ACAT1: variants seen among roughly 807,000 people sequenced by gnomAD.
ACAT1 encodes acetyl-CoA acetyltransferase 1.
Under a neutral mutation model 47.3 loss-of-function variants are expected in ACAT1, and 28 were observed. That is an observed-to-expected ratio of 0.59 (90% confidence interval 0.44 to 0.81). ACAT1 has a LOEUF of 0.81. Ranked by LOEUF, ACAT1 falls within the 30% of genes least tolerant of loss-of-function variation. ACAT1 has a pLI of 0.00. For synonymous variants in ACAT1, 181 were observed against 173.6 expected (o/e 1.04, Z -0.34); for missense variants, 469 against 524.3 (o/e 0.89, Z 1.03).
chr11:108,135,354 G>T (rs1276128102), intron 5 of ACAT1, 112 bp downstream of exon 5: 3 of 823,330 alleles, frequency 3.6e-6, no homozygotes, highest in Admixed American at 2.1e-5. Flanking sequence ...TCATAAGTTA[G>T]TATGTTTTCT....
At chr11:108,136,251 C>A in intron 5 of ACAT1, 1 of 426,384 alleles carries the variant, frequency 2.3e-6, no homozygotes, top group South Asian at 7.1e-5. Flanking sequence ...ATGTGACAGT[C>A]ATTGGAAATA....
upstream of ACAT1, among the ~76,000 whole-genome samples, chr11:108,120,554 T>A (rs2077130034): frequency 6.7e-6 from 1 of 149,338 alleles, no homozygotes; most frequent in Non-Finnish European, 1.5e-5. Context: ...AAAAAAAAAA[T>A]ACTCCAAAAC....
chr11:108,135,111 G>T, intron 4 of ACAT1, 31 bp from the exon 5 acceptor site: 1 of 1,527,934 alleles, frequency 6.5e-7, no homozygotes, highest in Non-Finnish European at 9.1e-7. Context: ...TTGAGTATCG[G>T]TTTTTCAAAA....
intron 1 of ACAT1, among the ~76,000 whole-genome samples, chr11:108,122,601 T>G (rs2077172390): frequency 6.6e-6 from 1 of 152,238 alleles, no homozygotes; most frequent in South Asian, 2.1e-4. Flanking sequence ...ACAAGGGTGC[T>G]GGCGGTAGGA....
At chr11:108,145,651 A>G (rs565094254) in intron 10 of ACAT1, among the ~76,000 whole-genome samples, 4 of 152,268 alleles carry the variant, frequency 2.6e-5, no homozygotes, top group African/African-American at 9.6e-5. Context: ...ACCTTTTCAA[A>G]TATCTGTGGA....
intron 10 of ACAT1, 171 bp downstream of exon 10, chr11:108,144,218 C>CAA (rs113949535): frequency 2.3e-4 from 111 of 489,178 alleles, no homozygotes; most frequent in African/African-American, 1.1e-3. Context: ...GGATAACAAA[C>CAA]AAAAAAAAAA....
upstream of ACAT1, among the ~76,000 whole-genome samples, chr11:108,118,795 A>C (rs2077106100): frequency 6.6e-6 from 1 of 152,198 alleles, no homozygotes; most frequent in Admixed American, 6.5e-5. Flanking sequence ...TAGCTCCAGA[A>C]ATAAATGTAC....
chr11:108,136,840 A>G (rs1399176078), intron 5 of ACAT1: 2 of 152,228 alleles, frequency 1.3e-5, no homozygotes, highest in Non-Finnish European at 2.9e-5. Context: ...TTTCTTTGGT[A>G]TAGAGCTTGC....
At chr11:108,129,428 G>A (rs1197954713) in intron 1 of ACAT1, among the ~76,000 whole-genome samples, 1 of 152,100 alleles carries the variant, frequency 6.6e-6, no homozygotes, top group Non-Finnish European at 1.5e-5. Flanking sequence ...GAATGCAGTG[G>A]CGTGATCTCG....
upstream of ACAT1, among the ~76,000 whole-genome samples, chr11:108,117,357 G>C (rs1052226956): frequency 3.3e-5 from 5 of 151,108 alleles, no homozygotes; most frequent in East Asian, 8.1e-4. Context: ...GCCCAGGCTG[G>C]AGTACAGTGG....
chr11:108,135,617 G>C (rs964152612), intron 5 of ACAT1, among the ~76,000 whole-genome samples: 1 of 151,900 alleles, frequency 6.6e-6, no homozygotes. Context: ...CCAGCACTTT[G>C]GGAGGCTGAG....
chr11:108,128,316 T>C (rs1268133052), intron 1 of ACAT1, among the ~76,000 whole-genome samples: 17 of 151,674 alleles, frequency 1.1e-4, no homozygotes, highest in Admixed American at 1.1e-3. Flanking sequence ...TGAGGCCATG[T>C]GCAGTGGCTC....
intron 1 of ACAT1, among the ~76,000 whole-genome samples, chr11:108,122,882 A>G (rs1415564950): frequency 6.6e-6 from 1 of 151,422 alleles, no homozygotes. Flanking sequence ...TACTCTAGAG[A>G]TGTAAAAAAA....
chr11:108,138,838 G>GT (rs1173065422), intron 5 of ACAT1, 60 bp from the exon 6 acceptor site: 132 of 1,587,976 alleles, frequency 8.3e-5, no homozygotes, highest in Middle Eastern at 6.7e-4. Flanking sequence ...TGTATAAAGG[G>GT]TGTCATGGGT....
chr11:108,127,266 CTT>C (rs566446640), intron 1 of ACAT1, among the ~76,000 whole-genome samples: 26 of 131,542 alleles, frequency 2.0e-4, no homozygotes, highest in Admixed American at 1.5e-4. Context: ...ACATAGAAGC[CTT>C]TTTTTTTTTT....
upstream of ACAT1, among the ~76,000 whole-genome samples, chr11:108,118,853 A>T (rs1249856102): frequency 6.6e-6 from 1 of 152,216 alleles, no homozygotes; most frequent in Non-Finnish European, 1.5e-5. Context: ...CTTCTCTAGA[A>T]GCTGTCCTGA....
upstream of ACAT1, chr11:108,121,531 G>A (rs896734101): frequency 2.7e-6 from 4 of 1,476,084 alleles, no homozygotes; most frequent in Non-Finnish European, 9.2e-7. Flanking sequence ...GCCCGCGCCG[G>A]GCCGCTAGGG....
intron 6 of ACAT1, 150 bp from the exon 7 acceptor site, chr11:108,139,915 T>C: frequency 1.1e-6 from 1 of 892,360 alleles, no homozygotes; most frequent in Non-Finnish European, 1.7e-6. Flanking sequence ...CCCCCCAAAG[T>C]GCTGGGATTA....
upstream of ACAT1, among the ~76,000 whole-genome samples, chr11:108,117,130 A>G (rs73559226): frequency 9.0e-3 from 1,374 of 152,114 alleles, 21 homozygotes; most frequent in African/African-American, 0.031. Flanking sequence ...AAGTGGGTGG[A>G]AATGTGAGTG....
Sources: allele counts gnomAD v4.1 joint callset (sites outside exome capture counted in the v4.1 genomes callset), GRCh38; gene constraint gnomAD v4.1.1; transcripts MANE v1.5; gene names NCBI Gene and HGNC (gene_info 2026-07-23, HGNC 2026-07-21).